Variants in SORCS2 observed in about 807,000 individuals in gnomAD.
SORCS2 encodes VPS10 domain-containing receptor SorCS2.
In SORCS2, 100 loss-of-function variants were observed where a neutral mutation model predicts 141.6. That is an observed-to-expected ratio of 0.71 (90% confidence interval 0.60 to 0.83). The LOEUF (loss-of-function observed/expected upper bound fraction) is 0.83, where lower values mean the gene tolerates loss of function less well. SORCS2 is among the 40% of genes least tolerant of loss of function. SORCS2 has a pLI of 0.00. For synonymous variants in SORCS2, 789 were observed against 676.9 expected, an observed-to-expected ratio of 1.17 and a Z score of -2.57; for missense variants, 1,646 against 1,560.2, an observed-to-expected ratio of 1.05 and a Z score of -0.93.
intron 4 of SORCS2, among the ~76,000 whole-genome samples, chr4:7,640,134 AGT>A (rs1022923452): frequency 1.3e-5 from 2 of 150,162 alleles, no homozygotes; most frequent in Admixed American, 6.6e-5. Flanking sequence ...AGCGAGTGTG[AGT>A]GTACATGAGT....
chr4:7,419,552 G>A (rs184130896), intron 2 of SORCS2, among the ~76,000 whole-genome samples: 16 of 152,302 alleles, frequency 1.1e-4, no homozygotes, highest in Admixed American at 3.3e-4. Context: ...TTTGCAAAGC[G>A]TTGCAATAAA....
intron 1 of SORCS2, among the ~76,000 whole-genome samples, chr4:7,330,709 C>A (rs1431616610): frequency 3.3e-5 from 5 of 152,094 alleles, no homozygotes; most frequent in Admixed American, 6.5e-5. Flanking sequence ...GAACTTCGCA[C>A]CTGCCCTCAG....
At chr4:7,445,584 C>A (rs1727935542) in intron 2 of SORCS2, among the ~76,000 whole-genome samples, 1 of 152,132 alleles carries the variant, frequency 6.6e-6, no homozygotes, top group African/African-American at 2.4e-5. Flanking sequence ...TGTTCAGAAG[C>A]TGGGCGCTGA....
In SORCS2 at chr4:7,663,260, AAGTG is replaced by A. The variant is rs926411536; in HGVS notation, c.953-1083_953-1080del. On this transcript the variant is annotated intron_variant, in intron 6 of 26. Coordinates refer to ENST00000507866, the MANE Select transcript of SORCS2 (RefSeq NM_020777.3). The surrounding 1 kb of genome is among the most constrained non-coding windows in gnomAD (Gnocchi z 4.8). Reference sequence around the variant, plus strand: ...ATAAGTGAGTGAGTGAAGAGTGAATAAGTGAGTGAGTGAATGAATAAGTGAGTGA... The same window carrying A: ...ATAAGTGAGTGAGTGAAGAGTGAATAAGTGAGTGAATGAATAAGTGAGTGA... 1.5e-4 allele frequency among the ~76,000 whole-genome samples: 22 copies of A among 144,542 alleles called. No individual in the cohort carries two copies. The highest frequency in any genetic ancestry group is 3.0e-4 in the African/African-American group (12 of 39,872). The allele number at this position is 144,542 out of a possible 152,430, so 94.8% of individuals were successfully genotyped here.
chr4:7,612,398 C>A (rs1433534338), intron 3 of SORCS2, among the ~76,000 whole-genome samples: 1 of 152,216 alleles, frequency 6.6e-6, no homozygotes, highest in African/African-American at 2.4e-5. Context: ...CTCCGGCTGC[C>A]TGCTCCCTCG....
At chr4:7,413,016 A>C (rs375281720) in intron 2 of SORCS2, among the ~76,000 whole-genome samples, 1 of 152,056 alleles carries the variant, frequency 6.6e-6, no homozygotes, top group Non-Finnish European at 1.5e-5. Flanking sequence ...TCATGCGTGA[A>C]TTTCAGTGTT....
chr4:7,324,293 A>C (rs1175172353), intron 1 of SORCS2, among the ~76,000 whole-genome samples: 2 of 152,234 alleles, frequency 1.3e-5, no homozygotes, highest in Non-Finnish European at 2.9e-5. Context: ...AGGTGGCTGC[A>C]GGGAGCTGAG....
intron 1 of SORCS2, among the ~76,000 whole-genome samples, chr4:7,303,855 G>C (rs1272828581): frequency 1.3e-5 from 2 of 152,258 alleles, no homozygotes; most frequent in Admixed American, 6.5e-5. Context: ...AGAGAGCGAT[G>C]TTCCCTGTGG....
chr4:7,649,359 G>T (rs1721289247), intron 4 of SORCS2, among the ~76,000 whole-genome samples: 1 of 151,000 alleles, frequency 6.6e-6, no homozygotes, highest in Non-Finnish European at 1.5e-5. Flanking sequence ...TGGTATCGGG[G>T]GGGCTGTGTA....
intron 3 of SORCS2, among the ~76,000 whole-genome samples, chr4:7,575,747 C>T (rs549829981): frequency 1.4e-4 from 22 of 152,254 alleles, no homozygotes; most frequent in Admixed American, 3.9e-4. Flanking sequence ...TAGTGCTGAC[C>T]GGTGTGTTTA....
chr4:7,640,989 C>G (rs1164100595), intron 4 of SORCS2, among the ~76,000 whole-genome samples: 1 of 152,108 alleles, frequency 6.6e-6, no homozygotes, highest in Non-Finnish European at 1.5e-5. Flanking sequence ...GATCTGTCTA[C>G]GTAGGTCAGC....
intron 8 of SORCS2, among the ~76,000 whole-genome samples, chr4:7,675,289 G>T (rs1341561229): frequency 6.6e-6 from 1 of 152,206 alleles, no homozygotes; most frequent in Admixed American, 6.5e-5. Context: ...TGGGGACTTT[G>T]CCCTGGCTGC....
At chr4:7,428,918 C>T (rs186290894) in intron 2 of SORCS2, among the ~76,000 whole-genome samples, 2 of 152,252 alleles carry the variant, frequency 1.3e-5, no homozygotes, top group East Asian at 3.9e-4. Flanking sequence ...GAAGGCACCT[C>T]TTCACCAGTC....
At chr4:7,442,971 C>G (rs1422554869) in intron 2 of SORCS2, among the ~76,000 whole-genome samples, 2 of 152,184 alleles carry the variant, frequency 1.3e-5, no homozygotes, top group Non-Finnish European at 2.9e-5. Flanking sequence ...GGCCAGCAAT[C>G]TTCCCCGGGC....
chr4:7,649,470 G>A (rs1008269913), intron 4 of SORCS2, among the ~76,000 whole-genome samples: 2 of 152,242 alleles, frequency 1.3e-5, no homozygotes, highest in Admixed American at 6.5e-5. Context: ...CAGGACCGAG[G>A]GCTGAGAGCA....
At chr4:7,636,314 T>TCC (rs1720251758) in intron 3 of SORCS2, among the ~76,000 whole-genome samples, 1 of 152,188 alleles carries the variant, frequency 6.6e-6, no homozygotes, top group Non-Finnish European at 1.5e-5. Flanking sequence ...CTCACCCGCA[T>TCC]CTCTGCGGCG....
intron 1 of SORCS2, among the ~76,000 whole-genome samples, chr4:7,205,220 G>A (rs1483416159): frequency 6.6e-6 from 1 of 152,104 alleles, no homozygotes; most frequent in African/African-American, 2.4e-5. Flanking sequence ...TCCTTGGGTG[G>A]ACCAAGGACA....
chr4:7,707,596 C>T (rs1446106121), intron 14 of SORCS2, among the ~76,000 whole-genome samples: 1 of 152,244 alleles, frequency 6.6e-6, no homozygotes, highest in Non-Finnish European at 1.5e-5. Context: ...GGCCCTCACC[C>T]CTTCGAGGAT....
chr4:7,568,611 A>G (rs1043771363), intron 3 of SORCS2, among the ~76,000 whole-genome samples: 4 of 152,186 alleles, frequency 2.6e-5, no homozygotes, highest in Non-Finnish European at 4.4e-5. Context: ...GGGATGTGGC[A>G]TGATCTAAGG....
Sources: allele counts gnomAD v4.1 joint callset (sites outside exome capture counted in the v4.1 genomes callset), GRCh38; gene constraint gnomAD v4.1.1; non-coding constraint Gnocchi (gnomAD v3.1); transcripts MANE v1.5; gene names NCBI Gene and HGNC (gene_info 2026-07-23, HGNC 2026-07-21).